PTPRN2: variants seen among roughly 807,000 people sequenced by gnomAD.
PTPRN2 encodes the protein protein tyrosine phosphatase receptor type N2, also known as receptor-type tyrosine-protein phosphatase N2.
A neutral mutation model predicts 118.8 loss-of-function variants in PTPRN2; 74 were observed. The ratio of observed to expected loss-of-function variants is 0.62; its 90% confidence interval spans 0.52 to 0.76. The LOEUF (loss-of-function observed/expected upper bound fraction) is 0.76, where lower values mean the gene tolerates loss of function less well. PTPRN2 is among the 30% of genes least tolerant of loss of function. PTPRN2 has a pLI of 0.00. For synonymous variants in PTPRN2, 641 were observed against 608.0 expected, an observed-to-expected ratio of 1.05 and a Z score of -0.80; for missense variants, 1,481 against 1,394.4, an observed-to-expected ratio of 1.06 and a Z score of -0.99.
At chr7:158,547,163 G>A (rs555277191) in intron 1 of PTPRN2, among the ~76,000 whole-genome samples, 1 of 152,162 alleles carries the variant, frequency 6.6e-6, no homozygotes, top group African/African-American at 2.4e-5. Flanking sequence ...TTTAACTGTG[G>A]TAAGATGCAC....
rs959040527 is a variant in PTPRN2 at position 157,557,711 on chromosome 7, G to C, written c.2903-8692C>G. On this transcript the variant is annotated intron_variant, in intron 21 of 22. Coordinates refer to ENST00000389418, the MANE Select transcript of PTPRN2 (RefSeq NM_002847.5). ...TATATTGTCTATGTTGTAACATATTGCTGGGATCAAAGGAGGCAAATCTGC... is the reference window on the plus strand; with the variant it reads ...TATATTGTCTATGTTGTAACATATTCCTGGGATCAAAGGAGGCAAATCTGC... Among the ~76,000 whole-genome samples the C allele has an allele frequency of 7.2e-5, 11 of 152,020 alleles. No homozygotes were observed. In the South Asian group the frequency reaches 2.3e-3, roughly 31 times the overall value.
intron 9 of PTPRN2, among the ~76,000 whole-genome samples, chr7:158,116,458 G>A (rs1816736346): frequency 6.6e-6 from 1 of 152,228 alleles, no homozygotes; most frequent in Non-Finnish European, 1.5e-5. Context: ...TTTCATCACA[G>A]TAGGAGCTAC....
chr7:157,917,030 G>A (rs1469952936), intron 11 of PTPRN2, among the ~76,000 whole-genome samples: 6 of 119,712 alleles, frequency 5.0e-5, no homozygotes, highest in Non-Finnish European at 6.9e-5. Flanking sequence ...TCCAATACAC[G>A]TCCCCCTCCC....
At chr7:158,284,193 A>C (rs1799620539) in intron 3 of PTPRN2, among the ~76,000 whole-genome samples, 1 of 152,224 alleles carries the variant, frequency 6.6e-6, no homozygotes. Context: ...CACCGGACTC[A>C]CAAGACTCAG....
At chr7:157,688,444 C>T (rs1478262676) in intron 12 of PTPRN2, among the ~76,000 whole-genome samples, 1 of 152,214 alleles carries the variant, frequency 6.6e-6, no homozygotes, top group East Asian at 1.9e-4. Context: ...AAGGATGCCC[C>T]TGAGAAAGCC....
chr7:157,788,948 A>C (rs1804255767), intron 12 of PTPRN2, among the ~76,000 whole-genome samples: 1 of 152,164 alleles, frequency 6.6e-6, no homozygotes, highest in Admixed American at 6.5e-5. Context: ...CAGAGGCGAA[A>C]CCCACACCTT....
intron 12 of PTPRN2, among the ~76,000 whole-genome samples, chr7:157,685,192 C>G (rs1043226594): frequency 2.8e-4 from 43 of 151,916 alleles, no homozygotes; most frequent in Non-Finnish European, 5.7e-4. Flanking sequence ...CCTCCCACCC[C>G]TCATCCCGGC....
intron 2 of PTPRN2, among the ~76,000 whole-genome samples, chr7:158,409,939 A>C (rs1476536845): frequency 2.0e-5 from 3 of 152,242 alleles, no homozygotes; most frequent in Admixed American, 6.5e-5. Flanking sequence ...CTTGCCTTCC[A>C]AAGTTTTCTG....
chr7:158,112,482 C>T (rs1455294566), intron 9 of PTPRN2, among the ~76,000 whole-genome samples: 3 of 152,162 alleles, frequency 2.0e-5, no homozygotes, highest in Non-Finnish European at 4.4e-5. Flanking sequence ...GGGGCCTGAG[C>T]TGGCCACCAC....
At chr7:157,646,278 C>A (rs1032444261) in intron 14 of PTPRN2, among the ~76,000 whole-genome samples, 1 of 152,056 alleles carries the variant, frequency 6.6e-6, no homozygotes, top group Non-Finnish European at 1.5e-5. Flanking sequence ...TAGACCATCC[C>A]CTTGGCGCTG....
chr7:157,700,882 CG>C (rs1563361026), intron 12 of PTPRN2, among the ~76,000 whole-genome samples: 1 of 152,196 alleles, frequency 6.6e-6, no homozygotes, highest in Admixed American at 6.5e-5. Flanking sequence ...GCGGTGGGCT[CG>C]GGGCCTTTCA....
intron 2 of PTPRN2, among the ~76,000 whole-genome samples, chr7:158,327,742 C>T (rs1374509298): frequency 6.6e-5 from 10 of 152,308 alleles, no homozygotes; most frequent in African/African-American, 2.2e-4. Context: ...TCTCCCACTG[C>T]CCCCTCCTGG....
At chr7:157,562,951 G>C (rs1799276045) in intron 21 of PTPRN2, among the ~76,000 whole-genome samples, 6 of 112,864 alleles carry the variant, frequency 5.3e-5, no homozygotes, top group Admixed American at 1.0e-4. Flanking sequence ...TCACCACACA[G>C]CAGATCAGGA....
At chr7:157,725,030 C>A (rs953707823) in intron 12 of PTPRN2, among the ~76,000 whole-genome samples, 2 of 152,226 alleles carry the variant, frequency 1.3e-5, no homozygotes, top group African/African-American at 2.4e-5. Flanking sequence ...TTCTCGTGTC[C>A]TTAAAAATAA....
intron 5 of PTPRN2, among the ~76,000 whole-genome samples, chr7:158,180,395 G>C (rs1464622578): frequency 6.6e-6 from 1 of 152,180 alleles, no homozygotes. Context: ...GTATAGTTTG[G>C]AGTCAGGTAA....
chr7:157,752,297 G>A (rs1004532295), intron 12 of PTPRN2, among the ~76,000 whole-genome samples: 11 of 152,204 alleles, frequency 7.2e-5, no homozygotes, highest in Admixed American at 3.9e-4. Flanking sequence ...TGACTTGTCC[G>A]AACATGACCT....
chr7:158,440,201 G>T (rs138404015), intron 2 of PTPRN2, among the ~76,000 whole-genome samples: 2 of 152,170 alleles, frequency 1.3e-5, no homozygotes, highest in Admixed American at 1.3e-4. Context: ...GGTAGGCAAA[G>T]TCGCCACCTC....
At chr7:157,967,415 C>T (rs73745044) in intron 11 of PTPRN2, among the ~76,000 whole-genome samples, 16,842 of 152,100 alleles carry the variant, frequency 0.11, 1,291 homozygotes, top group African/African-American at 0.21. Flanking sequence ...TTTCTGAATG[C>T]GGATGACGGT....
chr7:158,102,243 C>T (rs572138301), intron 10 of PTPRN2, among the ~76,000 whole-genome samples: 11 of 152,324 alleles, frequency 7.2e-5, no homozygotes, highest in East Asian at 1.9e-4. Context: ...CGGCCTTCCA[C>T]GTGCTGGACA....
Sources: gnomAD v4.1 joint callset for allele counts (sites outside exome capture counted in the v4.1 genomes callset) on GRCh38, gnomAD v4.1.1 for gene constraint, MANE v1.5 for transcripts, NCBI Gene and HGNC (gene_info 2026-07-23, HGNC 2026-07-21) for gene names.